Variants in THOC5 observed in about 807,000 individuals in gnomAD.
The protein encoded by THOC5 is THO complex subunit 5.
In THOC5, 43 loss-of-function variants were observed where a neutral mutation model predicts 92.9. The ratio of observed to expected loss-of-function variants is 0.46; its 90% CI spans 0.36 to 0.60. The LOEUF (loss-of-function observed/expected upper bound fraction) is 0.60. THOC5 is among the 20% of genes least tolerant of loss of function. THOC5 has a pLI of 0.00. For missense variants in THOC5, 659 were observed against 849.4 expected, an observed-to-expected ratio of 0.78 and a Z score of 2.79; for synonymous variants, 296 against 320.1, an observed-to-expected ratio of 0.92 and a Z score of 0.80.
Position 29,508,420 on chromosome 22 carries a change from G to GCTTGGGGGCCT in THOC5, c.*36_*37insAGGCCCCCAAG. The GCTTGGGGGCCT allele has an allele frequency of 6.2e-7, 1 of 1,603,016 alleles. No individual in the cohort carries two copies. The highest frequency in any genetic ancestry group is 2.2e-5 in the East Asian group (1 of 44,802). The stretch of plus-strand genomic sequence containing the variant: ...AGAAAGCAGAAGCCCAGTGCTCAGG[G>GCTTGGGGGCCT]TGAGGCCTTGGGGGAAACAACGGTC... On this transcript the variant is annotated 3_prime_UTR_variant, in exon 20 of 20. Coordinates refer to ENST00000490103, the MANE Select transcript of THOC5 (RefSeq NM_003678.5).
At chr22:29,541,681 G>A (rs1333122225) in intron 5 of THOC5, among the ~76,000 whole-genome samples, 1 of 149,416 alleles carries the variant, frequency 6.7e-6, no homozygotes, top group African/African-American at 2.5e-5. Flanking sequence ...CTAACACGGT[G>A]AAACCCTGTC....
chr22:29,517,241 A>T (rs764891169), intron 16 of THOC5, 22 bp downstream of exon 16: 2 of 1,610,790 alleles, frequency 1.2e-6, no homozygotes, highest in Non-Finnish European at 1.7e-6. Flanking sequence ...CAGTAAGGGT[A>T]ACTTGTCACT....
intron 2 of THOC5, among the ~76,000 whole-genome samples, chr22:29,544,833 A>G (rs559345944): frequency 6.6e-6 from 1 of 152,344 alleles, no homozygotes; most frequent in South Asian, 2.1e-4. Context: ...AAGATTCAGA[A>G]TATACAGAGG....
chr22:29,540,412 A>T (rs1438101221), intron 5 of THOC5, among the ~76,000 whole-genome samples: 1 of 152,212 alleles, frequency 6.6e-6, no homozygotes, highest in African/African-American at 2.4e-5. Flanking sequence ...GCCTCACAAC[A>T]ACTCTAAGAG....
rs553696209 is a variant in THOC5, at chr22:29,548,965, C to T, written c.96+87G>A. On this transcript the variant is annotated intron_variant, in intron 2 of 19. Coordinates refer to ENST00000490103, the MANE Select transcript of THOC5 (RefSeq NM_003678.5). ...ACCAAAAAGTTGTACCTGGTAGATGCGACCCCGAGCTGCTGCAAACACACA... is the reference window on the plus strand; with the variant it reads ...ACCAAAAAGTTGTACCTGGTAGATGTGACCCCGAGCTGCTGCAAACACACA... The T allele has an allele frequency of 5.0e-4, 661 of 1,325,162 alleles. 10 individuals are homozygous for T. The South Asian group carries it at 8.1e-3, about 16-fold the overall frequency. The allele number at this position is 1,325,162 out of a possible 1,614,324, so 82.1% of individuals were successfully genotyped here.
In THOC5 at chr22:29,528,043, T is replaced by C. The variant is rs565613761; in HGVS notation, c.1066+35A>G. 75 of 1,609,776 alleles carry C rather than the reference T, an allele frequency of 4.7e-5. 3 individuals are homozygous for C. The highest frequency in any genetic ancestry group is 3.4e-4 in the South Asian group (31 of 90,978). ...TGCAGCTGGGTGAACTCTTAGGTGC[T>C]ACAGATCCCTTAAACAAGGTGAGTG... On this transcript the variant is annotated intron_variant, in intron 11 of 19. Coordinates refer to ENST00000490103, the MANE Select transcript of THOC5 (RefSeq NM_003678.5).
intron 1 of THOC5, among the ~76,000 whole-genome samples, chr22:29,549,831 C>T (rs1399169732): frequency 6.6e-6 from 1 of 152,118 alleles, no homozygotes; most frequent in Non-Finnish European, 1.5e-5. Context: ...CACTCCATGT[C>T]TTTTCCCCTG....
chr22:29,547,678 T>C (rs2064051728), intron 2 of THOC5, among the ~76,000 whole-genome samples: 1 of 152,210 alleles, frequency 6.6e-6, no homozygotes, highest in Non-Finnish European at 1.5e-5. Flanking sequence ...TCAGCATTTT[T>C]GTCAAAGCCA....
At chr22:29,520,525 G>C (rs560534794) in intron 13 of THOC5, among the ~76,000 whole-genome samples, 1 of 152,088 alleles carries the variant, frequency 6.6e-6, no homozygotes, top group East Asian at 1.9e-4. Context: ...ACAGGGTCTG[G>C]CTCTGTTGCC....
chr22:29,546,572 TG>T (rs2064025257), intron 2 of THOC5, among the ~76,000 whole-genome samples: 1 of 149,340 alleles, frequency 6.7e-6, no homozygotes. Context: ...AGTGGGTAGC[TG>T]GGATTACAGG....
In THOC5 at chr22:29,511,150, C is replaced by G. The variant is rs1437784390; in HGVS notation, c.1944G>C (p.Gly648=). 1 of 1,614,204 alleles carries G rather than the reference C, an allele frequency of 6.2e-7. No individual in the cohort carries two copies. Among genetic ancestry groups the G allele is most frequent in the South Asian group, 1.1e-5 (1 of 91,084 alleles). The change falls in exon 19 of 20, where the codon GGG becomes GGC. Residue 648 remains glycine (G), a synonymous_variant. Transcript: ENST00000490103. ...TCTTCTCCTGGGGAAATTCCTTGGGCCCCTCCACACTGTCGTCATGGCTCT... is the reference window on the plus strand; with the variant it reads ...TCTTCTCCTGGGGAAATTCCTTGGGGCCCTCCACACTGTCGTCATGGCTCT... ...ETESHDDSVE[G]PKEFPQEKMC... is the part of the protein sequence containing the mutation.
In THOC5 at chr22:29,508,326, T is replaced by C. The variant is rs2063158032; in HGVS notation, c.*131A>G. 3.2e-6 allele frequency: 3 copies of C among 942,264 alleles called. No individual in the cohort carries two copies. The highest frequency in any genetic ancestry group is 2.6e-5 in the East Asian group (1 of 37,784). 58.4% of individuals were successfully genotyped at this position (942,264 alleles called of 1,614,324 possible). ...GCCAGGAACCACAGACAAAGGCCAC[T>C]GGTCAGGTGACGCTTTTTAATTGGC... On this transcript the variant is annotated 3_prime_UTR_variant, in exon 20 of 20. Coordinates refer to ENST00000490103, the MANE Select transcript of THOC5 (RefSeq NM_003678.5).
At chr22:29,543,626 T>A in intron 3 of THOC5, 84 bp from the exon 4 acceptor site, 1 of 986,722 alleles carries the variant, frequency 1.0e-6, no homozygotes, top group South Asian at 1.6e-5. Flanking sequence ...CCCATCCTCA[T>A]CTGGGGCCAA....
intron 7 of THOC5, among the ~76,000 whole-genome samples, chr22:29,533,086 TG>T (rs1213890458): frequency 6.6e-6 from 1 of 152,222 alleles, no homozygotes; most frequent in Non-Finnish European, 1.5e-5. Flanking sequence ...GTCAATGGCC[TG>T]GAAGACTCAA....
At chr22:29,545,111 A>G (rs2146556319) in intron 2 of THOC5, 1 of 426,582 alleles carries the variant, frequency 2.3e-6, no homozygotes, top group Non-Finnish European at 4.6e-6. Flanking sequence ...GGTGAAAGGC[A>G]CTTCTTATGT....
intron 14 of THOC5, among the ~76,000 whole-genome samples, chr22:29,519,710 G>A (rs1271114544): frequency 1.3e-5 from 2 of 149,356 alleles, no homozygotes; most frequent in South Asian, 2.1e-4. Context: ...TCAGCTCACC[G>A]CAACCTCTGC....
intron 2 of THOC5, 51 bp downstream of exon 2, chr22:29,549,001 T>G (rs1739415996): frequency 6.3e-7 from 1 of 1,582,986 alleles, no homozygotes; most frequent in Non-Finnish European, 8.7e-7. Flanking sequence ...GCCAGGTGCT[T>G]GGCCATGAGA....
At chr22:29,513,423 TG>T (rs1230611299) in intron 17 of THOC5, among the ~76,000 whole-genome samples, 1 of 146,966 alleles carries the variant, frequency 6.8e-6, no homozygotes. Context: ...GGACTGGGCA[TG>T]GGGGGTCACG....
In THOC5 at chr22:29,511,261, C is replaced by T. The variant is rs754012076; in HGVS notation, c.1833G>A (p.Glu611=). 4.8e-5 allele frequency: 77 copies of T among 1,613,904 alleles called. No homozygotes were observed. In the East Asian group the frequency reaches 1.6e-3, roughly 33 times the overall value. The part of the protein sequence containing the change: ...MEGEVNVCYK[E]LCGPWPSHQL... Reference sequence around the variant, plus strand: ...GGTGGCTGGGCCAAGGGCCACACAGCTCCTTGTAGCACACATTGACTTCGC... The same window carrying T: ...GGTGGCTGGGCCAAGGGCCACACAGTTCCTTGTAGCACACATTGACTTCGC... The change falls in exon 19 of 20, where the codon GAG becomes GAA. Residue 611 remains glutamate, a synonymous_variant. Coordinates refer to ENST00000490103, the MANE Select transcript of THOC5 (RefSeq NM_003678.5).
Sources: gnomAD v4.1 joint callset for allele counts (sites outside exome capture counted in the v4.1 genomes callset) on GRCh38, gnomAD v4.1.1 for gene constraint, MANE v1.5 for transcripts, NCBI Gene and HGNC (gene_info 2026-07-23, HGNC 2026-07-21) for gene names.